The following FGD1 variants were observed in gnomAD, a reference collection of about 807,000 sequenced individuals.
FGD1 encodes the protein FYVE, RhoGEF and PH domain-containing protein 1.
FGD1 carries 12 observed loss-of-function variants against 65.0 expected under a neutral mutation model. The ratio of observed to expected loss-of-function variants is 0.18; its 90% CI spans 0.12 to 0.30. The LOEUF (loss-of-function observed/expected upper bound fraction) is 0.30. FGD1 is among the 10% of genes least tolerant of loss of function. The probability of loss-of-function intolerance (pLI) is 1.00; values close to 1 mark genes in which losing one functional copy is unlikely to be tolerated. For missense variants in FGD1, 542 were observed against 837.6 expected (o/e 0.65, Z 4.36); for synonymous variants, 333 against 343.9 (o/e 0.97, Z 0.35).
At chrX:54,477,350 C>T (rs759740235) in intron 1 of FGD1, among the ~76,000 whole-genome samples, 16 of 111,976 alleles carry the variant, frequency 1.4e-4, no homozygotes, top group East Asian at 5.6e-4. Context: ...GGAAAGGCAA[C>T]GAGGGCGAGC....
At chrX:54,477,257 C>T (rs1030268000) in intron 1 of FGD1, among the ~76,000 whole-genome samples, 10 of 112,095 alleles carry the variant, frequency 8.9e-5, no homozygotes, top group African/African-American at 2.9e-4. Flanking sequence ...CCCTGCCCCC[C>T]CAGGCATTCA....
chrX:54,453,669 T>G (rs1922430062), intron 12 of FGD1, among the ~76,000 whole-genome samples: 1 of 112,192 alleles, frequency 8.9e-6, no homozygotes, highest in Non-Finnish European at 1.9e-5. Flanking sequence ...CCTCCCAAAG[T>G]GCTGGGATTA....
At chrX:54,494,980 G>A (rs1476635195) in intron 1 of FGD1, 146 bp downstream of exon 1, 2 of 550,681 alleles carry the variant, frequency 3.6e-6, no homozygotes, top group South Asian at 2.6e-5. Context: ...AGGGACGTGG[G>A]GAGGAGGAGG....
intron 1 of FGD1, among the ~76,000 whole-genome samples, chrX:54,477,255 C>T (rs913457207): frequency 8.9e-6 from 1 of 112,093 alleles, no homozygotes; most frequent in Non-Finnish European, 1.9e-5. Context: ...ACCCCTGCCC[C>T]CCCAGGCATT....
intron 1 of FGD1, among the ~76,000 whole-genome samples, chrX:54,475,725 C>T (rs1193983323): frequency 8.9e-6 from 1 of 112,323 alleles, no homozygotes; most frequent in Non-Finnish European, 1.9e-5. Flanking sequence ...ATGCCACTTA[C>T]CTGCACAAGA....
At chrX:54,477,555 G>A (rs770028527) in intron 1 of FGD1, among the ~76,000 whole-genome samples, 7 of 108,847 alleles carry the variant, frequency 6.4e-5, no homozygotes, top group South Asian at 4.1e-4. Context: ...TCAGCTTCCC[G>A]AATAGCTGAG....
chrX:54,449,295 A>G, intron 14 of FGD1, 27 bp from the exon 15 acceptor site: 1 of 1,208,659 alleles, frequency 8.3e-7, no homozygotes, highest in Non-Finnish European at 1.1e-6. Flanking sequence ...GTCTCAGGTC[A>G]GAGACAGCTA....
At chrX:54,450,592 A>T (rs1922352956) in intron 12 of FGD1, among the ~76,000 whole-genome samples, 1 of 111,600 alleles carries the variant, frequency 9.0e-6, no homozygotes, top group Admixed American at 9.6e-5. Context: ...CAGGGAGATC[A>T]GTGTTTTGAT....
rs1922739672 is a variant in FGD1, at chrX:54,465,572, G to T, written c.1515C>A (p.Gly505=). 1 of 1,206,770 alleles carries T rather than the reference G, an allele frequency of 8.3e-7. No individual in the cohort carries two copies. The highest frequency in any genetic ancestry group is 2.2e-5 in the Admixed American group (1 of 45,279). Residue 505 remains glycine, a synonymous_variant, in exon 8 of 18, where the codon GGC becomes GGA. Coordinates refer to ENST00000375135, the MANE Select transcript of FGD1 (RefSeq NM_004463.3). ...IHEVQKEEAC[G]NLTLQHHMLE... ...GCATGTGGTGCTGCAATGTCAGGTT[G>T]CCACAGGCTTCCTCCTTCTGTGACA...
intron 8 of FGD1, among the ~76,000 whole-genome samples, chrX:54,464,127 CTTTTT>C (rs1195226924): frequency 2.0e-5 from 1 of 50,565 alleles, no homozygotes; most frequent in Non-Finnish European, 3.3e-5. Context: ...ACGCCCAGCT[CTTTTT>C]TTTTTTTTTT....
intron 2 of FGD1, 28 bp from the exon 3 acceptor site, chrX:54,470,788 G>A (rs755277999): frequency 3.4e-6 from 3 of 884,429 alleles, no homozygotes; most frequent in Non-Finnish European, 4.7e-6. Context: ...GAAGAGAGAA[G>A]GGAGACATCA....
chrX:54,482,440 G>T (rs1387132590), intron 1 of FGD1, among the ~76,000 whole-genome samples: 1 of 112,166 alleles, frequency 8.9e-6, no homozygotes, highest in South Asian at 3.7e-4. Flanking sequence ...GAGGAGCTGG[G>T]GACTTCAGAG....
Position 54,495,463 on chromosome X carries a change from C to G in FGD1, c.-31G>C, listed in dbSNP as rs1923515559. 1.6e-5 allele frequency: 15 copies of G among 936,223 alleles called. 1 individual carries two copies. Among genetic ancestry groups the G allele is most frequent in the Non-Finnish European group, 2.0e-5 (15 of 751,739 alleles). The allele number at this position is 936,223 out of a possible 1,213,427, so 77.2% of individuals were successfully genotyped here. On this transcript the variant is annotated 5_prime_UTR_variant, in exon 1 of 18. Transcript: ENST00000375135. ...GGGCCTGGGCGCGGGGCCCGAGCTC[C>G]CCGCTTGGCTCCAGCTCCTGGGGCG... is the stretch of plus-strand genomic sequence containing the variant.
intron 12 of FGD1, among the ~76,000 whole-genome samples, chrX:54,450,627 A>G (rs779062784): frequency 8.9e-6 from 1 of 111,800 alleles, no homozygotes; most frequent in East Asian, 2.8e-4. Context: ...CAAGGAGCCC[A>G]GAGGAGGTGA....
At chrX:54,467,577 A>G (rs1922794093) in intron 6 of FGD1, among the ~76,000 whole-genome samples, 1 of 110,726 alleles carries the variant, frequency 9.0e-6, no homozygotes, top group African/African-American at 3.3e-5. Context: ...GCTGTTCTCG[A>G]ACTCCTGACC....
chrX:54,482,230 A>G (rs67416494), intron 1 of FGD1, among the ~76,000 whole-genome samples: 1,215 of 102,150 alleles, frequency 0.012, 11 homozygotes, highest in African/African-American at 0.037. Context: ...GCGCGCGCAC[A>G]CGCGCGCACA....
chrX:54,463,916 T>C (rs1368398285), intron 8 of FGD1, among the ~76,000 whole-genome samples: 1 of 111,845 alleles, frequency 8.9e-6, no homozygotes, highest in Non-Finnish European at 1.9e-5. Context: ...TCTAATTCTC[T>C]GAATTATACT....
chrX:54,494,514 A>G (rs1923485349), intron 1 of FGD1, among the ~76,000 whole-genome samples: 1 of 104,115 alleles, frequency 9.6e-6, no homozygotes, highest in African/African-American at 3.6e-5. Flanking sequence ...CTCCAGCCTC[A>G]GTTTGGGGAA....
Position 54,495,482 on chromosome X carries a change from T to C in FGD1, c.-50A>G. The C allele has an allele frequency of 2.3e-6, 2 of 872,292 alleles. No homozygotes were observed. Among genetic ancestry groups the C allele is most frequent in the Non-Finnish European group, 2.9e-6 (2 of 699,982 alleles). 71.9% of individuals were successfully genotyped at this position (872,292 alleles called of 1,213,427 possible). On this transcript the variant is annotated 5_prime_UTR_variant, in exon 1 of 18. Transcript: ENST00000375135. ...GAGCTCCCCGCTTGGCTCCAGCTCC[T>C]GGGGCGGAGGCGCGGGCGGAGGAGG...
Sources: gnomAD v4.1 joint callset for allele counts (sites outside exome capture counted in the v4.1 genomes callset) on GRCh38, gnomAD v4.1.1 for gene constraint, MANE v1.5 for transcripts, NCBI Gene and HGNC (gene_info 2026-07-23, HGNC 2026-07-21) for gene names.